VPS13C: variants seen among roughly 807,000 people sequenced by gnomAD.
The protein encoded by VPS13C is vacuolar protein sorting 13 homolog C.
A neutral mutation model predicts 456.8 loss-of-function variants in VPS13C; 358 were observed. The observed-to-expected ratio is 0.78, with a 90% CI of 0.72 to 0.86. The LOEUF is 0.86. Ranked by LOEUF, VPS13C falls within the 40% of genes least tolerant of loss-of-function variation. The pLI, the probability that VPS13C is intolerant of heterozygous loss-of-function variation, is 0.00. For missense variants in VPS13C, 4,818 were observed against 4,385.4 expected, an observed-to-expected ratio of 1.10 and a Z score of -2.79; for synonymous variants, 1,578 against 1,486.7, an observed-to-expected ratio of 1.06 and a Z score of -1.41.
chr15:61,857,467 G>A (rs748081210), intron 82 of VPS13C, among the ~76,000 whole-genome samples: 7 of 152,184 alleles, frequency 4.6e-5, no homozygotes, highest in Non-Finnish European at 1.0e-4. Context: ...TCTGAGGAAT[G>A]TGGAGGTCTG....
At chr15:62,025,992 C>T (rs1028845738) in intron 6 of VPS13C, among the ~76,000 whole-genome samples, 13 of 150,792 alleles carry the variant, frequency 8.6e-5, no homozygotes, top group South Asian at 4.2e-4. Context: ...GTTTTACATT[C>T]TTACAAATCT....
At chr15:62,002,492 T>G (rs984955165) in intron 15 of VPS13C, among the ~76,000 whole-genome samples, 40 of 152,190 alleles carry the variant, frequency 2.6e-4, no homozygotes, top group African/African-American at 9.7e-4. Context: ...TGATGGTAGT[T>G]TCTTTTGCTG....
Position 61,961,752 on chromosome 15 carries a change from C to T in VPS13C, c.3745G>A (p.Val1249Ile). 1.2e-6 allele frequency: 2 copies of T among 1,613,950 alleles called. No homozygotes were observed. Among genetic ancestry groups the T allele is most frequent in the Non-Finnish European group, 1.7e-6 (2 of 1,179,936 alleles). Residue 1249 changes from valine to isoleucine, a missense_variant, in exon 35 of 85, where the codon GTT becomes ATT. By Grantham distance (29) the Val-to-Ile change is conservative. This residue lies in a region of VPS13C where 4,552 missense variants were observed against 4,130.6 expected (regional missense o/e 1.10). Coordinates refer to ENST00000644861, the MANE Select transcript of VPS13C (RefSeq NM_020821.3). The stretch of plus-strand genomic sequence containing the variant: ...ATAGAAGACTGTGGGATGACTATAA[C>T]CGGTGCTTTCAAATCAATATTGATG... ...VSINIDLKAP[V>I]IVIPQSSIST...
Position 61,853,869 on chromosome 15 carries a change from C to G in VPS13C, c.*588G>C, listed in dbSNP as rs989489600. 14 of 94,018 alleles carry G rather than the reference C, an allele frequency of 1.5e-4. No homozygotes were observed. Among genetic ancestry groups the G allele is most frequent in the African/African-American group, 5.0e-4 (13 of 25,930 alleles). The allele number at this position is 94,018 out of a possible 1,614,324, so 5.8% of individuals were successfully genotyped here. On this transcript the variant is annotated 3_prime_UTR_variant, in exon 85 of 85. Transcript: ENST00000644861. ...ACCAACATGGTGAAACTCATCTCTA[C>G]TAAAAATACAAAAAAAAAAAAAATT...
chr15:61,871,242 G>A (rs1404101316), intron 79 of VPS13C, among the ~76,000 whole-genome samples: 1 of 152,036 alleles, frequency 6.6e-6, no homozygotes. Context: ...CTTACATTTA[G>A]GTATTTAATC....
In VPS13C at chr15:61,920,542, T is replaced by C. The variant is rs2043620300; in HGVS notation, c.7168A>G (p.Thr2390Ala). Residue 2390 changes from threonine (T) to alanine (A), a missense_variant, in exon 56 of 85, where the codon ACA (threonine) becomes GCA (alanine). Physicochemically the swap from Thr to Ala is moderately conservative, Grantham distance 58. Coordinates refer to ENST00000644861, the MANE Select transcript of VPS13C (RefSeq NM_020821.3). ...ACATTAAGACAACTTTTGGATATTG[T>C]TATATTCATTGTATTTCCTGAAGAA... is the stretch of plus-strand genomic sequence containing the variant. The part of the protein sequence containing the change: ...HISSGNTMNI[T>A]ISKSCLNVFN... 5.7e-6 allele frequency: 9 copies of C among 1,578,220 alleles called. No homozygotes were observed. Among genetic ancestry groups the C allele is most frequent in the Non-Finnish European group, 7.7e-6 (9 of 1,168,468 alleles).
At chr15:62,018,218 C>T (rs1407472365) in intron 9 of VPS13C, among the ~76,000 whole-genome samples, 1 of 152,132 alleles carries the variant, frequency 6.6e-6, no homozygotes, top group Non-Finnish European at 1.5e-5. Context: ...GATATACAAT[C>T]ATGTCATCTG....
intron 37 of VPS13C, among the ~76,000 whole-genome samples, chr15:61,954,859 T>G (rs1460741423): frequency 6.6e-6 from 1 of 152,142 alleles, no homozygotes; most frequent in African/African-American, 2.4e-5. Context: ...AAGGATGTAT[T>G]AGAGGAGGTA....
At chr15:61,878,973 T>C (rs934280859) in intron 73 of VPS13C, among the ~76,000 whole-genome samples, 2 of 152,084 alleles carry the variant, frequency 1.3e-5, no homozygotes, top group African/African-American at 4.8e-5. Flanking sequence ...GTTCTAATTT[T>C]ATGCAATGTA....
chr15:61,917,239 A>T (rs2043500427), intron 60 of VPS13C, 102 bp downstream of exon 60: 2 of 1,208,336 alleles, frequency 1.7e-6, no homozygotes, highest in Non-Finnish European at 2.3e-6. Context: ...CACATTACAC[A>T]TACGCTATAT....
chr15:62,008,244 T>C (rs1012129443), intron 14 of VPS13C, among the ~76,000 whole-genome samples: 5 of 151,038 alleles, frequency 3.3e-5, no homozygotes, highest in East Asian at 2.0e-4. Flanking sequence ...AAAATAAAAA[T>C]ACAAAAATTA....
chr15:62,034,411 T>A (rs1471146630), intron 4 of VPS13C, among the ~76,000 whole-genome samples: 1 of 151,706 alleles, frequency 6.6e-6, no homozygotes, highest in East Asian at 1.9e-4. Context: ...TTCTTAACAT[T>A]ATATTGTTCT....
intron 9 of VPS13C, among the ~76,000 whole-genome samples, chr15:62,016,878 A>G (rs2047271399): frequency 6.6e-6 from 1 of 152,180 alleles, no homozygotes; most frequent in South Asian, 2.1e-4. Flanking sequence ...ACTAGTTTAC[A>G]GTCCCACCAA....
At chr15:61,883,944 T>C (rs531652663) in intron 68 of VPS13C, among the ~76,000 whole-genome samples, 184 bp downstream of exon 68, 1 of 152,042 alleles carries the variant, frequency 6.6e-6, no homozygotes, top group South Asian at 2.1e-4. Flanking sequence ...TAACAATATA[T>C]TTTAATTAAA....
At chr15:61,898,496 G>A (rs1040154953) in intron 66 of VPS13C, among the ~76,000 whole-genome samples, 2 of 151,906 alleles carry the variant, frequency 1.3e-5, no homozygotes, top group African/African-American at 4.8e-5. Context: ...AAGATCAAAA[G>A]AGACAAAGAA....
At chr15:61,873,725 A>T (rs1038745819) in intron 77 of VPS13C, among the ~76,000 whole-genome samples, 1 of 151,928 alleles carries the variant, frequency 6.6e-6, no homozygotes, top group Non-Finnish European at 1.5e-5. Context: ...GAGAGTGGAA[A>T]TATAACTTAA....
At chr15:62,054,983 C>A (rs75013247) in intron 1 of VPS13C, among the ~76,000 whole-genome samples, 2 of 152,154 alleles carry the variant, frequency 1.3e-5, no homozygotes, top group Non-Finnish European at 2.9e-5. Context: ...ATGTTTTGCC[C>A]AGGGTCCCAC....
Position 61,991,788 on chromosome 15 carries a change from C to T in VPS13C, c.1368G>A (p.Gly456=), listed in dbSNP as rs781484405. ...CAGCAGACTTTTTCCTTAATTTTTGCCCAGACCGAATCACCTGAAAAATAA... is the reference window on the plus strand; with the variant it reads ...CAGCAGACTTTTTCCTTAATTTTTGTCCAGACCGAATCACCTGAAAAATAA... ...QQAQVEVIRS[G]QKLRKKSADT... Residue 456 remains glycine (G), a synonymous_variant, in exon 17 of 85, where the codon GGG becomes GGA. Transcript: ENST00000644861. The T allele has an allele frequency of 1.7e-5, 27 of 1,611,344 alleles. No homozygotes were observed. The Admixed American group carries it at 4.5e-4, about 27-fold the overall frequency.
At chr15:61,899,481 C>T (rs2042932242) in intron 66 of VPS13C, among the ~76,000 whole-genome samples, 3 of 152,130 alleles carry the variant, frequency 2.0e-5, no homozygotes, top group African/African-American at 7.2e-5. Flanking sequence ...ATACTATAAA[C>T]ACCTCTATGC....
Sources: gnomAD v4.1 joint callset for allele counts (sites outside exome capture counted in the v4.1 genomes callset) on GRCh38, gnomAD v4.1.1 for gene constraint, gnomAD v4.1.1 regional missense constraint, MANE v1.5 for transcripts, NCBI Gene and HGNC (gene_info 2026-07-23, HGNC 2026-07-21) for gene names.